The following CDH13 variants were observed in gnomAD, a reference collection of about 807,000 sequenced individuals.
The protein encoded by CDH13 is cadherin 13.
A neutral mutation model predicts 63.8 loss-of-function variants in CDH13; 24 were observed. The ratio of observed to expected loss-of-function variants is 0.38; its 90% CI spans 0.27 to 0.53. The LOEUF is 0.53. Ranked by LOEUF, CDH13 falls within the 20% of genes least tolerant of loss-of-function variation. The pLI is 0.85. For synonymous variants in CDH13, 503 were observed against 355.3 expected, an observed-to-expected ratio of 1.42 and a Z score of -4.67; for missense variants, 1,049 against 903.1, an observed-to-expected ratio of 1.16 and a Z score of -2.07.
chr16:83,129,303 C>T (rs2035946674), intron 4 of CDH13, among the ~76,000 whole-genome samples: 1 of 152,108 alleles, frequency 6.6e-6, no homozygotes, highest in Non-Finnish European at 1.5e-5. Flanking sequence ...ATATAGAATG[C>T]CATTTGAAGA....
chr16:83,766,968 G>T (rs1218758918), intron 11 of CDH13, among the ~76,000 whole-genome samples: 3 of 152,114 alleles, frequency 2.0e-5, no homozygotes, highest in Non-Finnish European at 4.4e-5. Context: ...ATGATTGTAA[G>T]TTTCCTGAGG....
At chr16:83,178,795 T>C (rs2038231128) in intron 4 of CDH13, among the ~76,000 whole-genome samples, 1 of 152,112 alleles carries the variant, frequency 6.6e-6, no homozygotes, top group Non-Finnish European at 1.5e-5. Flanking sequence ...TTCCACTCGT[T>C]TCCTTGGAAT....
chr16:83,254,956 T>TTTCTTTCGTTCG (rs1567542222), intron 5 of CDH13, among the ~76,000 whole-genome samples: 74 of 3,894 alleles, frequency 0.019, 2 homozygotes, highest in Admixed American at 0.088. Context: ...TTTCTCTTTC[T>TTTCTTTCGTTCG]TTCTTTCTTT....
At chr16:82,842,098 ATATATATATATATGTATATAT>A (rs1567590207) in intron 1 of CDH13, among the ~76,000 whole-genome samples, 1 of 32,614 alleles carries the variant, frequency 3.1e-5, no homozygotes, top group African/African-American at 1.1e-4. Flanking sequence ...CTACATATAT[ATATATATATATATGTATATAT>A]ATATATATAT....
intron 3 of CDH13, among the ~76,000 whole-genome samples, chr16:83,077,891 G>T (rs1168405105): frequency 6.6e-6 from 1 of 152,110 alleles, no homozygotes; most frequent in South Asian, 2.1e-4. Flanking sequence ...TAATTTTAGC[G>T]ATTCTGGTGA....
intron 5 of CDH13, among the ~76,000 whole-genome samples, chr16:83,247,541 G>C (rs74611601): frequency 6.6e-6 from 1 of 151,822 alleles, no homozygotes; most frequent in East Asian, 1.9e-4. Flanking sequence ...ATGTGATTCA[G>C]AATTAGATAT....
At chr16:83,521,982 A>G (rs755370912) in intron 7 of CDH13, among the ~76,000 whole-genome samples, 17 of 152,220 alleles carry the variant, frequency 1.1e-4, no homozygotes, top group African/African-American at 3.1e-4. Flanking sequence ...CTGAAGCTAG[A>G]GCCCCTCATG....
chr16:82,976,880 G>T (rs1909586957), intron 2 of CDH13, among the ~76,000 whole-genome samples: 1 of 152,174 alleles, frequency 6.6e-6, no homozygotes, highest in Non-Finnish European at 1.5e-5. Flanking sequence ...TGAGTTGCGG[G>T]AAGGGGATGA....
In CDH13 at chr16:83,780,098, G is replaced by C; in HGVS notation, c.1812G>C (p.Leu604Phe). The C allele has an allele frequency of 6.2e-7, 1 of 1,613,782 alleles. No homozygotes were observed. The highest frequency in any genetic ancestry group is 8.5e-7 in the Non-Finnish European group (1 of 1,179,804). Residue 604 changes from leucine (L) to phenylalanine (F), a missense_variant, in exon 12 of 14, where the codon TTG (leucine) becomes TTC (phenylalanine). Transcript: ENST00000567109. ...DDAKNLSVVI[L>F]GASDKDLHPN... ...CCAAAAACCTCAGTGTAGTCATTTTGGGAGCATCAGATAAGGATCTTCACC... is the reference window on the plus strand; with the variant it reads ...CCAAAAACCTCAGTGTAGTCATTTTCGGAGCATCAGATAAGGATCTTCACC...
At chr16:83,025,188 C>G (rs1324705647) in intron 2 of CDH13, among the ~76,000 whole-genome samples, 1 of 152,206 alleles carries the variant, frequency 6.6e-6, no homozygotes, top group Non-Finnish European at 1.5e-5. Context: ...CATGCATTAT[C>G]TTGTTTACAC....
At chr16:83,402,941 T>C (rs1199916589) in intron 6 of CDH13, among the ~76,000 whole-genome samples, 1 of 152,204 alleles carries the variant, frequency 6.6e-6, no homozygotes, top group Non-Finnish European at 1.5e-5. Context: ...TCTAATCCCA[T>C]CAATAACCAG....
intron 4 of CDH13, among the ~76,000 whole-genome samples, chr16:83,130,545 T>C (rs1327578216): frequency 6.6e-6 from 1 of 152,238 alleles, no homozygotes; most frequent in Non-Finnish European, 1.5e-5. Context: ...ATATCTGATA[T>C]GTGATAAAGG....
At chr16:82,785,050 G>A (rs955770451) in intron 1 of CDH13, among the ~76,000 whole-genome samples, 2 of 152,144 alleles carry the variant, frequency 1.3e-5, no homozygotes, top group African/African-American at 2.4e-5. Context: ...AAAGAATGTA[G>A]CATGATCAGC....
rs895057044 is a variant in CDH13, at chr16:82,901,566, G to A, written c.157+43093G>A. On this transcript the variant is annotated intron_variant, in intron 2 of 13. Coordinates refer to ENST00000567109, the MANE Select transcript of CDH13 (RefSeq NM_001257.5). Reference sequence around the variant, plus strand: ...ACTACCCTCTGCACTCTAGGTTCTAGAAGGCACCCTGAAAAAGGCATGTTG... The same window carrying A: ...ACTACCCTCTGCACTCTAGGTTCTAAAAGGCACCCTGAAAAAGGCATGTTG... Among the ~76,000 whole-genome samples the A allele has an allele frequency of 2.6e-5, 4 of 152,104 alleles. No homozygotes were observed. In the East Asian group the frequency reaches 7.7e-4, roughly 29 times the overall value.
At chr16:83,106,329 G>A (rs1046495038) in intron 3 of CDH13, among the ~76,000 whole-genome samples, 2 of 152,164 alleles carry the variant, frequency 1.3e-5, no homozygotes, top group Admixed American at 6.5e-5. Context: ...CATGAGGTCA[G>A]GAGTTCGAGA....
chr16:82,682,247 G>C (rs1488447872), intron 1 of CDH13, among the ~76,000 whole-genome samples: 1 of 152,196 alleles, frequency 6.6e-6, no homozygotes, highest in Non-Finnish European at 1.5e-5. Flanking sequence ...TAAAAGTGCA[G>C]ATTCCCAGGC....
At chr16:83,064,590 A>T (rs564674103) in intron 3 of CDH13, among the ~76,000 whole-genome samples, 104 of 152,358 alleles carry the variant, frequency 6.8e-4, no homozygotes, top group African/African-American at 2.3e-3. Flanking sequence ...ATAAAAAGCA[A>T]TGAGATATTT....
intron 5 of CDH13, among the ~76,000 whole-genome samples, chr16:83,242,253 G>T (rs1904532797): frequency 6.6e-6 from 1 of 152,172 alleles, no homozygotes; most frequent in African/African-American, 2.4e-5. Context: ...TTCTAAAACA[G>T]GAAGTACGAG....
At chr16:83,231,691 T>C (rs1171901981) in intron 5 of CDH13, among the ~76,000 whole-genome samples, 1 of 152,196 alleles carries the variant, frequency 6.6e-6, no homozygotes, top group East Asian at 1.9e-4. Flanking sequence ...TGTCAGAGTG[T>C]GGCCTGCAAA....
Sources: allele counts gnomAD v4.1 joint callset (sites outside exome capture counted in the v4.1 genomes callset), GRCh38; gene constraint gnomAD v4.1.1; transcripts MANE v1.5; gene names NCBI Gene and HGNC (gene_info 2026-07-23, HGNC 2026-07-21).